CLASP1: variants seen among roughly 807,000 people sequenced by gnomAD.
CLASP1 encodes the protein CLIP-associating protein 1.
Under a neutral mutation model 192.3 loss-of-function variants are expected in CLASP1, and 38 were observed. The ratio of observed to expected loss-of-function variants is 0.20; its 90% CI spans 0.15 to 0.26. The LOEUF (loss-of-function observed/expected upper bound fraction) is 0.26. Ranked by LOEUF, CLASP1 falls within the 10% of genes least tolerant of loss-of-function variation. The pLI is 1.00. For missense variants in CLASP1, 1,433 were observed against 1,932.5 expected (o/e 0.74, Z 4.85); for synonymous variants, 691 against 712.8 (o/e 0.97, Z 0.49).
At chr2:121,461,275 A>AT in intron 10 of CLASP1, 82 bp from the exon 11 acceptor site, 1 of 731,922 alleles carries the variant, frequency 1.4e-6, no homozygotes, top group Non-Finnish European at 2.2e-6. Context: ...AGTCAAGAAC[A>AT]TTAAGTATGG....
intron 1 of CLASP1, among the ~76,000 whole-genome samples, chr2:121,630,860 C>CA (rs35476221): frequency 0.38 from 29,401 of 78,246 alleles, 4,991 homozygotes; most frequent in African/African-American, 0.58. Context: ...AACTACGTCT[C>CA]AAAAAAAAAA....
intron 28 of CLASP1, 68 bp from the exon 30 acceptor site, chr2:121,398,468 A>C: frequency 9.6e-7 from 1 of 1,044,710 alleles, no homozygotes; most frequent in Non-Finnish European, 1.4e-6. Flanking sequence ...AAACTATTTA[A>C]CAAAAGCATA....
chr2:121,531,010 G>C lies in CLASP1; in HGVS notation c.196-685C>G, dbSNP rs774680213. On this transcript the variant is annotated intron_variant, in intron 2 of 39. Transcript: ENST00000263710. Reference sequence around the variant, plus strand: ...ATTTTGGTGCAATTTTTGGAAAAATGAAAACCTGTTTTCATAGACTTATCA... The same window carrying C: ...ATTTTGGTGCAATTTTTGGAAAAATCAAAACCTGTTTTCATAGACTTATCA... 4.3e-6 allele frequency: 3 copies of C among 700,132 alleles called. No individual in the cohort carries two copies. The South Asian group carries it at 4.4e-5, about 10-fold the overall frequency. The allele number at this position is 700,132 out of a possible 1,614,324, so 43.4% of individuals were successfully genotyped here.
chr2:121,624,283 A>G (rs1323788674), intron 1 of CLASP1, among the ~76,000 whole-genome samples: 6 of 152,000 alleles, frequency 3.9e-5, no homozygotes, highest in Non-Finnish European at 7.4e-5. Context: ...ATAGCTATAA[A>G]TTTCCTTCTG....
chr2:121,624,578 G>C (rs559074974), intron 1 of CLASP1, among the ~76,000 whole-genome samples: 4 of 151,952 alleles, frequency 2.6e-5, no homozygotes, highest in Non-Finnish European at 5.9e-5. Flanking sequence ...CACCATGCCC[G>C]GCTAATTTTT....
intron 2 of CLASP1, among the ~76,000 whole-genome samples, chr2:121,551,057 G>C (rs2057996170): frequency 6.6e-6 from 1 of 152,172 alleles, no homozygotes; most frequent in Non-Finnish European, 1.5e-5. Context: ...ATGCAAGGTT[G>C]GTTCAACATA....
In CLASP1 at chr2:121,487,361, G is replaced by A. The variant is rs114587811; in HGVS notation, c.712+15806C>T. ...TTTTAATGACCTGTTTTAAATACATGAAACAGTGAAAAAGATTTTCTTAAA... is the reference window on the plus strand; with the variant it reads ...TTTTAATGACCTGTTTTAAATACATAAAACAGTGAAAAAGATTTTCTTAAA... On this transcript the variant is annotated intron_variant, in intron 8 of 39. Coordinates refer to ENST00000263710, the Ensembl canonical transcript of CLASP1. Among the ~76,000 whole-genome samples, 1,118 of 152,098 alleles carry A rather than the reference G, an allele frequency of 7.4e-3. 20 individuals are homozygous for A. The highest frequency in any genetic ancestry group is 0.026 in the African/African-American group (1,067 of 41,486).
chr2:121,382,869 C>T (rs1574098986), intron 32 of CLASP1, among the ~76,000 whole-genome samples: 1 of 152,144 alleles, frequency 6.6e-6, no homozygotes, highest in African/African-American at 2.4e-5. Flanking sequence ...AGTTGGATGG[C>T]GTTCAGAGAC....
intron 8 of CLASP1, among the ~76,000 whole-genome samples, chr2:121,487,468 T>C (rs192926797): frequency 2.6e-5 from 4 of 152,384 alleles, no homozygotes; most frequent in East Asian, 1.9e-4. Flanking sequence ...TTTTCCCTAA[T>C]GTCCTTTATC....
At chr2:121,556,277 T>G (rs1312715186) in intron 2 of CLASP1, among the ~76,000 whole-genome samples, 4 of 152,102 alleles carry the variant, frequency 2.6e-5, no homozygotes, top group African/African-American at 9.7e-5. Context: ...TGAACCACCA[T>G]GCCCAGCCAC....
chr2:121,458,758 G>T, intron 13 of CLASP1, 82 bp downstream of exon 13: 1 of 1,078,266 alleles, frequency 9.3e-7, no homozygotes, highest in Non-Finnish European at 1.3e-6. Context: ...ATATAATTAT[G>T]TTAACAAAAA....
At chr2:121,602,723 A>C (rs147246455) in intron 2 of CLASP1, among the ~76,000 whole-genome samples, 569 of 152,328 alleles carry the variant, frequency 3.7e-3, no homozygotes, top group Non-Finnish European at 5.4e-3. Context: ...CAGTCTCTTC[A>C]ATAAATGTTA....
At chr2:121,468,141 T>C (rs1210337427) in intron 9 of CLASP1, among the ~76,000 whole-genome samples, 2 of 152,218 alleles carry the variant, frequency 1.3e-5, no homozygotes, top group Admixed American at 6.5e-5. Context: ...TCTATTCCAT[T>C]GGTCTATGTG....
intron 8 of CLASP1, among the ~76,000 whole-genome samples, chr2:121,499,190 C>G (rs187505837): frequency 1.3e-5 from 2 of 152,110 alleles, no homozygotes; most frequent in African/African-American, 4.8e-5. Flanking sequence ...CATCAACAGA[C>G]GGATAAAGAA....
chr2:121,455,667 C>T (rs2086482362), intron 14 of CLASP1, among the ~76,000 whole-genome samples: 1 of 152,114 alleles, frequency 6.6e-6, no homozygotes. Context: ...TGAGGCCAGC[C>T]TGGGCAACAT....
At chr2:121,349,850 G>A (rs1244748753) in intron 37 of CLASP1, among the ~76,000 whole-genome samples, 1 of 152,216 alleles carries the variant, frequency 6.6e-6, no homozygotes, top group African/African-American at 2.4e-5. Context: ...AAAGAGGACA[G>A]CAGAAGGCCT....
chr2:121,461,410 GC>G (rs2087923314), intron 10 of CLASP1, among the ~76,000 whole-genome samples: 1 of 152,044 alleles, frequency 6.6e-6, no homozygotes, highest in Admixed American at 6.5e-5. Flanking sequence ...GAATAACCCT[GC>G]CTCAAACATA....
intron 2 of CLASP1, among the ~76,000 whole-genome samples, chr2:121,571,275 A>T (rs1177946094): frequency 3.3e-5 from 5 of 152,032 alleles, no homozygotes; most frequent in Non-Finnish European, 1.5e-5. Flanking sequence ...TCCCAGGCTC[A>T]AGCAATCCTC....
intron 35 of CLASP1, 140 bp downstream of exon 36, chr2:121,367,448 G>A (rs1162524931): frequency 9.0e-7 from 1 of 1,116,046 alleles, no homozygotes; most frequent in Non-Finnish European, 1.3e-6. Context: ...GTTAAGTAGT[G>A]CCTGAACAAA....
Sources: gnomAD v4.1 joint callset for allele counts (sites outside exome capture counted in the v4.1 genomes callset) on GRCh38, gnomAD v4.1.1 for gene constraint, MANE v1.5 for transcripts, NCBI Gene and HGNC (gene_info 2026-07-23, HGNC 2026-07-21) for gene names.